The following GRIN2A variants were observed in gnomAD, a reference collection of about 807,000 sequenced individuals.
GRIN2A encodes glutamate ionotropic receptor NMDA type subunit 2A, also known as glutamate receptor ionotropic, NMDA 2A.
In GRIN2A, 22 loss-of-function variants were observed where a neutral mutation model predicts 113.4. The ratio of observed to expected loss-of-function variants is 0.19; its 90% CI spans 0.14 to 0.28. The LOEUF (loss-of-function observed/expected upper bound fraction) is 0.28, where lower values mean the gene tolerates loss of function less well. GRIN2A is among the 10% of genes least tolerant of loss of function. The pLI, the probability that GRIN2A is intolerant of heterozygous loss-of-function variation, is 1.00. For missense variants in GRIN2A, 1,502 were observed against 1,887.0 expected (o/e 0.80, Z 3.78); for synonymous variants, 827 against 738.4 (o/e 1.12, Z -1.94).
intron 2 of GRIN2A, among the ~76,000 whole-genome samples, chr16:10,136,279 C>G (rs11862776): frequency 0.088 from 13,387 of 152,108 alleles, 602 homozygotes; most frequent in Middle Eastern, 0.14. Context: ...GCAATATCAT[C>G]CCACCTCTTC....
chr16:10,053,579 G>C (rs2047394824), intron 2 of GRIN2A, among the ~76,000 whole-genome samples: 1 of 152,172 alleles, frequency 6.6e-6, no homozygotes, highest in Non-Finnish European at 1.5e-5. Context: ...CAAGTTCATA[G>C]GAGTTTTAGG....
intron 2 of GRIN2A, among the ~76,000 whole-genome samples, chr16:9,987,843 T>C (rs757660532): frequency 5.3e-5 from 8 of 152,150 alleles, no homozygotes; most frequent in Non-Finnish European, 7.4e-5. Context: ...ATTTAATACA[T>C]TTCGAGAGTT....
chr16:9,908,705 C>T (rs1596570148), intron 3 of GRIN2A, among the ~76,000 whole-genome samples: 1 of 152,230 alleles, frequency 6.6e-6, no homozygotes, highest in South Asian at 2.1e-4. Context: ...CAGCAGAGCC[C>T]TTCAGGAAAG....
At chr16:9,935,224 G>A (rs2044685673) in intron 3 of GRIN2A, among the ~76,000 whole-genome samples, 3 of 152,150 alleles carry the variant, frequency 2.0e-5, no homozygotes, top group Admixed American at 2.0e-4. Flanking sequence ...CCAGCTGCAG[G>A]GCACATATTA....
intron 2 of GRIN2A, among the ~76,000 whole-genome samples, chr16:9,984,597 T>TGTTGTA (rs768233077): frequency 4.5e-4 from 68 of 152,362 alleles, no homozygotes; most frequent in Non-Finnish European, 7.6e-4. Context: ...GCACCATTTC[T>TGTTGTA]GCTGTAGCTG....
Position 9,977,745 on chromosome 16 carries a change from G to GCA in GRIN2A, c.415-39196_415-39195dup, listed in dbSNP as rs1047808116. ...CCCATGTGTGCATGTACTCACATGT[G>GCA]CACACACACACATACACACACACTT... On this transcript the variant is annotated intron_variant, in intron 2 of 12. Coordinates refer to ENST00000330684, the MANE Select transcript of GRIN2A (RefSeq NM_001134407.3). 2.6e-5 allele frequency among the ~76,000 whole-genome samples: 4 copies of GCA among 152,070 alleles called. No individual in the cohort carries two copies. In the East Asian group the frequency reaches 5.8e-4, roughly 22 times the overall value.
chr16:10,057,188 T>G (rs543400640), intron 2 of GRIN2A, among the ~76,000 whole-genome samples: 7 of 152,336 alleles, frequency 4.6e-5, no homozygotes, highest in Non-Finnish European at 1.0e-4. Context: ...AAGTGTACAA[T>G]GGCGACAACA....
rs1191770889 is a variant in GRIN2A at position 9,980,550 on chromosome 16, C to T, written c.415-41999G>A. On this transcript the variant is annotated intron_variant, in intron 2 of 12. Transcript: ENST00000330684. Reference sequence around the variant, plus strand: ...GACACATGCACATGTATGTTTACTGCGGTACTATTCACAATAGCAAAGACT... The same window carrying T: ...GACACATGCACATGTATGTTTACTGTGGTACTATTCACAATAGCAAAGACT... Among the ~76,000 whole-genome samples the T allele has an allele frequency of 7.9e-5, 12 of 152,076 alleles. No homozygotes were observed. The East Asian group carries it at 9.7e-4, about 12-fold the overall frequency.
intron 4 of GRIN2A, among the ~76,000 whole-genome samples, chr16:9,856,174 C>A (rs2141384342): frequency 6.6e-6 from 1 of 152,268 alleles, no homozygotes; most frequent in South Asian, 2.1e-4. Flanking sequence ...GAAACCAGGG[C>A]TTAAAAATAT....
At chr16:10,086,605 C>CAAA (rs3033377) in intron 2 of GRIN2A, among the ~76,000 whole-genome samples, 13 of 99,706 alleles carry the variant, frequency 1.3e-4, no homozygotes, top group Non-Finnish European at 1.6e-4. Context: ...GGAGCAGCTC[C>CAAA]AAAAAAAAAA....
intron 2 of GRIN2A, among the ~76,000 whole-genome samples, chr16:10,025,005 G>C (rs897127036): frequency 7.9e-5 from 12 of 152,064 alleles, no homozygotes; most frequent in African/African-American, 7.2e-5. Context: ...AAGAGTCAGA[G>C]AGGAGAGAAA....
At chr16:9,782,797 G>A (rs946495290) in intron 11 of GRIN2A, among the ~76,000 whole-genome samples, 2 of 152,272 alleles carry the variant, frequency 1.3e-5, no homozygotes, top group Admixed American at 6.5e-5. Context: ...AGACTCAGTG[G>A]CTCTCCAGGA....
intron 2 of GRIN2A, among the ~76,000 whole-genome samples, chr16:10,144,578 T>C (rs11074611): frequency 0.017 from 2,531 of 152,322 alleles, 70 homozygotes; most frequent in African/African-American, 0.058. Flanking sequence ...TTATCAGATA[T>C]ATAATTTGCA....
intron 2 of GRIN2A, among the ~76,000 whole-genome samples, chr16:10,158,533 G>T (rs1366984356): frequency 6.6e-6 from 1 of 152,152 alleles, no homozygotes; most frequent in Non-Finnish European, 1.5e-5. Context: ...GCCCATCAAT[G>T]GTTGAATAGA....
chr16:10,045,624 C>A (rs1313860640), intron 2 of GRIN2A, among the ~76,000 whole-genome samples: 1 of 152,204 alleles, frequency 6.6e-6, no homozygotes, highest in African/African-American at 2.4e-5. Flanking sequence ...AGACCAATGG[C>A]CCATTCTGGC....
chr16:9,978,777 C>G (rs568839335), intron 2 of GRIN2A, among the ~76,000 whole-genome samples: 1 of 152,144 alleles, frequency 6.6e-6, no homozygotes, highest in Non-Finnish European at 1.5e-5. Context: ...GTATTCGGAA[C>G]GGATGTTCCT....
chr16:10,061,273 A>C (rs975229054), intron 2 of GRIN2A, among the ~76,000 whole-genome samples: 2 of 152,194 alleles, frequency 1.3e-5, no homozygotes, highest in African/African-American at 4.8e-5. Flanking sequence ...GAAGAGGCTT[A>C]ATCTATGAGG....
rs559130653 is a variant in GRIN2A at position 10,048,773 on chromosome 16, C to T, written c.415-110222G>A. Among the ~76,000 whole-genome samples, 23 of 152,126 alleles carry T rather than the reference C, an allele frequency of 1.5e-4. No homozygotes were observed. In the South Asian group the frequency reaches 4.1e-3, roughly 27 times the overall value. On this transcript the variant is annotated intron_variant, in intron 2 of 12. Coordinates refer to ENST00000330684, the MANE Select transcript of GRIN2A (RefSeq NM_001134407.3). ...CCCTTGGGCTGGTGCCACAGGGGCT[C>T]AAAATGTCTCAACCCATAAAAGACT...
At chr16:9,994,189 A>T (rs2141825207) in intron 2 of GRIN2A, among the ~76,000 whole-genome samples, 1 of 152,200 alleles carries the variant, frequency 6.6e-6, no homozygotes, top group South Asian at 2.1e-4. Context: ...CAATAGGCTC[A>T]TTTTTCCAAT....
Sources: allele counts gnomAD v4.1 joint callset (sites outside exome capture counted in the v4.1 genomes callset), GRCh38; gene constraint gnomAD v4.1.1; transcripts MANE v1.5; gene names NCBI Gene and HGNC (gene_info 2026-07-23, HGNC 2026-07-21).